SLC52A1: variants seen among roughly 807,000 people sequenced by gnomAD.
The protein encoded by SLC52A1 is solute carrier family 52 member 1.
Under a neutral mutation model 23.2 loss-of-function variants are expected in SLC52A1, and 20 were observed. The observed-to-expected ratio is 0.86, with a 90% CI of 0.61 to 1.25. The LOEUF is 1.25. Among genes scored for constraint, SLC52A1 ranks in the 50% most tolerant of loss-of-function variants. The pLI is 0.00. For synonymous variants in SLC52A1, 260 were observed against 256.6 expected (o/e 1.01, Z -0.13); for missense variants, 528 against 557.0 (o/e 0.95, Z 0.52).
upstream of SLC52A1, among the ~76,000 whole-genome samples, chr17:5,035,688 G>A (rs1463539173): frequency 6.6e-6 from 1 of 152,076 alleles, no homozygotes; most frequent in Non-Finnish European, 1.5e-5. Flanking sequence ...GTTGTTTGTT[G>A]TTTTAATTAA....
In SLC52A1 at chr17:5,032,921, C is replaced by G. The variant is rs757575583; in HGVS notation, c.*36G>C. ...CACTGTGGCAGCCTCACGATGAAGA[C>G]AGGTGGGGTGGAGTTGGGTCCCCAC... On this transcript the variant is annotated 3_prime_UTR_variant, in exon 5 of 5. Transcript: ENST00000254853. The G allele has an allele frequency of 2.5e-6, 4 of 1,583,142 alleles. No homozygotes were observed. Among genetic ancestry groups the G allele is most frequent in the South Asian group, 1.1e-5 (1 of 90,102 alleles).
In SLC52A1 at chr17:5,034,207, C is replaced by G; in HGVS notation, c.282G>C (p.Leu94=). Reference sequence around the variant, plus strand: ...CCACGTGGTGCCACAGAGGGGCCAGCAGGGCTGTGCCCACTACACTCAGCA... The same window carrying G: ...CCACGTGGTGCCACAGAGGGGCCAGGAGGGCTGTGCCCACTACACTCAGCA... ...VQVLSVVGTA[L]LAPLWHHVAP... The change falls in exon 3 of 5, where the codon CTG becomes CTC. Residue 94 remains leucine, a synonymous_variant. Transcript: ENST00000254853. The G allele has an allele frequency of 1.9e-6, 3 of 1,614,098 alleles. No individual in the cohort carries two copies. Among genetic ancestry groups the G allele is most frequent in the Non-Finnish European group, 2.5e-6 (3 of 1,179,998 alleles).
At chr17:5,035,873 A>ATTTTTTT (rs71149503), upstream of SLC52A1, among the ~76,000 whole-genome samples, 2 of 45,302 alleles carry the variant, frequency 4.4e-5, no homozygotes, top group Non-Finnish European at 7.0e-5. Flanking sequence ...TGTCCAGCTA[A>ATTTTTTT]TTTTTTTTTT....
upstream of SLC52A1, among the ~76,000 whole-genome samples, chr17:5,039,818 T>G (rs1975523788): frequency 6.6e-6 from 1 of 152,172 alleles, no homozygotes; most frequent in Admixed American, 6.6e-5. Flanking sequence ...GTTAGGGACC[T>G]TGCAGAAGAG....
Position 5,033,930 on chromosome 17 carries a change from A to C in SLC52A1, c.559T>G (p.Phe187Val). 1.2e-6 allele frequency: 2 copies of C among 1,614,192 alleles called. No homozygotes were observed. The highest frequency in any genetic ancestry group is 1.7e-6 in the Non-Finnish European group (2 of 1,180,034). ...GTGCTGGCAGGAAAACGCTCAGGGA[A>C]GTCGAGGGGAGGCCCAGAGGTGCCA... ...TNGTSGPPLD[F>V]PERFPASTFF... The change falls in exon 3 of 5, where the codon TTC becomes GTC. Residue 187 changes from phenylalanine (F) to valine (V), a missense_variant. Physicochemically the swap from Phe to Val is conservative, Grantham distance 50 (BLOSUM62 -1). Transcript: ENST00000254853.
chr17:5,042,048 A>G (rs565924066), intron 1 of SLC52A1, among the ~76,000 whole-genome samples: 15 of 152,080 alleles, frequency 9.9e-5, no homozygotes, highest in African/African-American at 3.6e-4. Context: ...CCAACTTCCA[A>G]TTTTTCACTG....
chr17:5,037,987 C>T (rs891360131), upstream of SLC52A1, among the ~76,000 whole-genome samples: 8 of 133,576 alleles, frequency 6.0e-5, no homozygotes, highest in Non-Finnish European at 1.1e-4. Flanking sequence ...GGCTCAATCT[C>T]GGCTCACTGC....
chr17:5,041,654 T>C lies in SLC52A1; in HGVS notation c.-107-6941A>G, dbSNP rs1395419136. On this transcript the variant is annotated intron_variant, in intron 1 of 3. Coordinates refer to the SLC52A1 transcript ENST00000512825. ...CACCCTGCCCAGCTAATTTTTTGTA[T>C]TTTTAGTAAAGACAAGATTTTATCA... Among the ~76,000 whole-genome samples, 3 of 151,980 alleles carry C rather than the reference T, an allele frequency of 2.0e-5. No homozygotes were observed. In the East Asian group the frequency reaches 5.8e-4, roughly 29 times the overall value.
At chr17:5,037,913 C>CTTTT, upstream of SLC52A1, among the ~76,000 whole-genome samples, 1 of 43,452 alleles carries the variant, frequency 2.3e-5, no homozygotes, top group Admixed American at 2.0e-4. Flanking sequence ...TTTCTTCCTT[C>CTTTT]CTTTTTTTTT....
chr17:5,035,873 ATT>A (rs71149503), upstream of SLC52A1, among the ~76,000 whole-genome samples: 13 of 45,316 alleles, frequency 2.9e-4, no homozygotes, highest in South Asian at 1.7e-3. Context: ...TGTCCAGCTA[ATT>A]TTTTTTTTTT....
At chr17:5,038,953 A>G (rs1975511677), upstream of SLC52A1, among the ~76,000 whole-genome samples, 1 of 152,156 alleles carries the variant, frequency 6.6e-6, no homozygotes, top group Admixed American at 6.5e-5. Flanking sequence ...TTAACAAACA[A>G]TCCTCCCAAA....
chr17:5,041,090 C>T (rs1482625241), intron 1 of SLC52A1, among the ~76,000 whole-genome samples: 1 of 151,552 alleles, frequency 6.6e-6, no homozygotes, highest in African/African-American at 2.4e-5. Flanking sequence ...CCACCGTGCC[C>T]GGCCTGTTGT....
rs1384791349 is a variant in SLC52A1 at position 5,033,048 on chromosome 17, G to A, written c.1256C>T (p.Ser419Phe). The A allele has an allele frequency of 1.2e-6, 2 of 1,613,616 alleles. No individual in the cohort carries two copies. Among genetic ancestry groups the A allele is most frequent in the South Asian group, 1.1e-5 (1 of 91,078 alleles). Reference sequence around the variant, plus strand: ...GAACATGGCACCGGCACCAAGCAGGGAGCCCACTTGGATGGCCACACCAGC... The same window carrying A: ...GAACATGGCACCGGCACCAAGCAGGAAGCCCACTTGGATGGCCACACCAGC... ...LAAGVAIQVG[S>F]LLGAGAMFPP... Residue 419 changes from serine to phenylalanine, a missense_variant, in exon 5 of 5, where the codon TCC (serine) becomes TTC (phenylalanine). Transcript: ENST00000254853.
At position 5,032,693 on chromosome 17, in the gene SLC52A1, T is replaced by C. The variant is rs984236077; in HGVS notation, c.*264A>G. The stretch of plus-strand genomic sequence containing the variant: ...AGGCTTTTGTTTTTGTTTTTGGTTT[T>C]AAATAAAAACACTTTATTGCACAAA... On this transcript the variant is annotated 3_prime_UTR_variant, in exon 5 of 5. Transcript: ENST00000254853. 12 of 394,938 alleles carry C rather than the reference T, an allele frequency of 3.0e-5. No homozygotes were observed. Among genetic ancestry groups the C allele is most frequent in the Non-Finnish European group, 4.1e-5 (9 of 219,208 alleles). The allele number at this position is 394,938 out of a possible 1,614,324, so 24.5% of individuals were successfully genotyped here.
Position 5,034,866 on chromosome 17 carries a change from G to A in SLC52A1, c.-113C>T, listed in dbSNP as rs1006166576. On this transcript the variant is annotated 5_prime_UTR_variant, in exon 1 of 5. Coordinates refer to ENST00000254853, the MANE Select transcript of SLC52A1 (RefSeq NM_017986.4). ...GGTGGGGAGCCAGGACTTACCACGG[G>A]GCACCGGCTGTGCGTTTGGGTACAG... 1 of 390,340 alleles carries A rather than the reference G, an allele frequency of 2.6e-6. No homozygotes were observed. The highest frequency in any genetic ancestry group is 4.8e-6 in the Non-Finnish European group (1 of 209,048). The allele number at this position is 390,340 out of a possible 1,614,324, so 24.2% of individuals were successfully genotyped here.
Position 5,033,517 on chromosome 17 carries a change from G to A in SLC52A1, c.972C>T (p.Asn324=), listed in dbSNP as rs548428344. 1.4e-4 allele frequency: 221 copies of A among 1,613,170 alleles called. No individual in the cohort carries two copies. The South Asian group carries it at 2.3e-3, about 17-fold the overall frequency. Residue 324 remains asparagine, a synonymous_variant, in exon 3 of 5, where the codon AAC becomes AAT. Coordinates refer to ENST00000254853, the MANE Select transcript of SLC52A1 (RefSeq NM_017986.4). ...HLAVVLGSAA[N]PLACFLAMGV... ...CCATGGCCAGGAAGCAGGCAAGGGG[G>A]TTGGCGGCACTGCCCAGCACCACAG...
At chr17:5,039,021 G>A (rs1247438708), upstream of SLC52A1, among the ~76,000 whole-genome samples, 1 of 143,970 alleles carries the variant, frequency 6.9e-6, no homozygotes, top group Non-Finnish European at 1.5e-5. Context: ...TGGAAACCGA[G>A]GCACATAAAG....
In SLC52A1 at chr17:5,033,192, A is replaced by G. The variant is rs753517632; in HGVS notation, c.1135-23T>C. On this transcript the variant is annotated intron_variant, in intron 4 of 4. Transcript: ENST00000254853. ...CACCTGCAAGGGAGGACACAGCAGC[A>G]GGCTGAGCATGACATGCACTTGCTC... is the stretch of plus-strand genomic sequence containing the variant. 1.6e-5 allele frequency: 26 copies of G among 1,613,288 alleles called. No homozygotes were observed. The Admixed American group carries it at 2.3e-4, about 14-fold the overall frequency.
upstream of SLC52A1, among the ~76,000 whole-genome samples, chr17:5,036,659 G>A (rs1027845207): frequency 2.0e-5 from 3 of 151,504 alleles, no homozygotes; most frequent in South Asian, 2.1e-4. Flanking sequence ...TGATCCGCCC[G>A]CCTCAGCCTC....
Sources: gnomAD v4.1 joint callset for allele counts (sites outside exome capture counted in the v4.1 genomes callset) on GRCh38, gnomAD v4.1.1 for gene constraint, MANE v1.5 for transcripts, NCBI Gene and HGNC (gene_info 2026-07-23, HGNC 2026-07-21) for gene names.